The following FOXN3 variants were observed in gnomAD, a reference collection of about 807,000 sequenced individuals.
FOXN3 encodes forkhead box N3, also known as forkhead box protein N3.
In FOXN3, 7 loss-of-function variants were observed where a neutral mutation model predicts 38.4. The ratio of observed to expected loss-of-function variants is 0.18; its 90% CI spans 0.10 to 0.34. The LOEUF (loss-of-function observed/expected upper bound fraction) is 0.34, where lower values mean the gene tolerates loss of function less well. Among genes scored for constraint, FOXN3 ranks in the 10% least tolerant of loss-of-function variants. FOXN3 has a pLI of 1.00. For missense variants in FOXN3, 456 were observed against 613.4 expected (o/e 0.74, Z 2.71); for synonymous variants, 230 against 242.2 (o/e 0.95, Z 0.47).
intron 3 of FOXN3, among the ~76,000 whole-genome samples, chr14:89,287,622 A>AC (rs1886669954): frequency 4.2e-4 from 1 of 2,356 alleles, no homozygotes; most frequent in South Asian, 0.013. Flanking sequence ...AGGTAACTGC[A>AC]CTTTTCCTTT....
chr14:89,433,341 G>A (rs1892203971), intron 1 of FOXN3, among the ~76,000 whole-genome samples: 1 of 152,138 alleles, frequency 6.6e-6, no homozygotes, highest in Non-Finnish European at 1.5e-5. Flanking sequence ...AATTAGTTGG[G>A]CGTGGTGGTG....
At chr14:89,584,141 G>A (rs943219227) in intron 1 of FOXN3, among the ~76,000 whole-genome samples, 1 of 150,642 alleles carries the variant, frequency 6.6e-6, no homozygotes, top group Admixed American at 6.6e-5. Context: ...TTACAGGTAT[G>A]AGCCACCACA....
rs1238288773 is a variant in FOXN3, at chr14:89,412,662, CAG to C, written c.-14-174_-14-173del. Among the ~76,000 whole-genome samples the C allele has an allele frequency of 1.3e-5, 2 of 152,140 alleles. No homozygotes were observed. The highest frequency in any genetic ancestry group is 4.8e-5 in the African/African-American group (2 of 41,418). On this transcript the variant is annotated intron_variant, in intron 1 of 5. Coordinates refer to ENST00000557258, the MANE Select transcript of FOXN3 (RefSeq NM_005197.4). The surrounding 1 kb of genome is among the most constrained non-coding windows in gnomAD (Gnocchi z 4.7). ...GCAACACAATCCCACAATTCCACCA[CAG>C]AGAGATAGGCTGATGAGAAAAATCA...
intron 2 of FOXN3, among the ~76,000 whole-genome samples, chr14:89,393,688 T>C (rs1294539755): frequency 6.6e-6 from 1 of 152,164 alleles, no homozygotes; most frequent in African/African-American, 2.4e-5. Context: ...TGGGATTACA[T>C]TTCATAAGAC....
At chr14:89,531,226 A>C (rs1408343283) in intron 1 of FOXN3, among the ~76,000 whole-genome samples, 2 of 151,754 alleles carry the variant, frequency 1.3e-5, no homozygotes, top group Non-Finnish European at 2.9e-5. Context: ...CTGTAAAGAA[A>C]GGCAGAAAAG....
chr14:89,337,781 C>A (rs1888508476), intron 3 of FOXN3, among the ~76,000 whole-genome samples: 1 of 152,108 alleles, frequency 6.6e-6, no homozygotes, highest in Admixed American at 6.5e-5. Flanking sequence ...AGGCACGTGT[C>A]ACCAAGCCCA....
At chr14:89,451,584 G>T (rs1892613826) in intron 1 of FOXN3, among the ~76,000 whole-genome samples, 1 of 152,128 alleles carries the variant, frequency 6.6e-6, no homozygotes, top group African/African-American at 2.4e-5. Flanking sequence ...TTGAGAACTG[G>T]TCAGGATGAC....
intron 5 of FOXN3, among the ~76,000 whole-genome samples, chr14:89,173,864 G>A (rs1056176283): frequency 5.9e-5 from 9 of 152,082 alleles, no homozygotes; most frequent in Non-Finnish European, 1.0e-4. Flanking sequence ...GGCGGTGAGT[G>A]CCTGTAGTCC....
At chr14:89,601,180 A>G (rs1268386553) in intron 1 of FOXN3, among the ~76,000 whole-genome samples, 1 of 152,118 alleles carries the variant, frequency 6.6e-6, no homozygotes, top group South Asian at 2.1e-4. Context: ...TTGCAGCCTG[A>G]CCCTTCCTGG....
rs191136625 is a variant in FOXN3 at position 89,210,420 on chromosome 14, G to A, written c.746-29614C>T. ...TGCTTCCTGTACAGCCTGCAGAACCGTAAGCCAATTAAACCTCTTTTCTTT... is the reference window on the plus strand; with the variant it reads ...TGCTTCCTGTACAGCCTGCAGAACCATAAGCCAATTAAACCTCTTTTCTTT... On this transcript the variant is annotated intron_variant, in intron 4 of 5. Transcript: ENST00000557258. 3.8e-4 allele frequency among the ~76,000 whole-genome samples: 58 copies of A among 152,188 alleles called. No individual in the cohort carries two copies. In the East Asian group the frequency reaches 7.3e-3, roughly 19 times the overall value.
rs147644620 is a variant in FOXN3, at chr14:89,180,732, T to C, written c.820A>G (p.Ile274Val). 66 of 1,611,716 alleles carry C rather than the reference T, an allele frequency of 4.1e-5. No homozygotes were observed. The African/African-American group carries it at 6.3e-4, about 15-fold the overall frequency. Residue 274 changes from isoleucine (I) to valine (V), a missense_variant, in exon 5 of 6, where the codon ATC becomes GTC. Coordinates refer to ENST00000557258, the MANE Select transcript of FOXN3 (RefSeq NM_005197.4). ...GCCGCTGTCACCCCAATGGGAGTGA[T>C]TGGCAGCGGCCGCACGCCAGGAAAC... is the stretch of plus-strand genomic sequence containing the variant. The part of the protein sequence containing the change: ...GLFPGVRPLP[I>V]TPIGVTAAMR...
In FOXN3 at chr14:89,164,122, C is replaced by G. The variant is rs1486225214; in HGVS notation, c.852-1153G>C. 6.6e-6 allele frequency among the ~76,000 whole-genome samples: 1 copy of G among 152,324 alleles called. No homozygotes were observed. Among genetic ancestry groups the G allele is most frequent in the African/African-American group, 2.4e-5 (1 of 41,566 alleles). On this transcript the variant is annotated intron_variant, in intron 5 of 5. Transcript: ENST00000557258. This position sits in a 1 kb window ranked among gnomAD's most constrained non-coding sequence, Gnocchi z 4.3. ...CCTGGACCACGGCTTGGCCTGACAG[C>G]AATGGCTGTGAAGCTTATTCCTGGT...
intron 4 of FOXN3, among the ~76,000 whole-genome samples, chr14:89,195,769 GAC>G (rs1888082575): frequency 6.6e-6 from 1 of 152,314 alleles, no homozygotes; most frequent in African/African-American, 2.4e-5. Context: ...AATGAAGTGA[GAC>G]AGGGGGGTAC....
intron 2 of FOXN3, among the ~76,000 whole-genome samples, chr14:89,409,668 A>C (rs1230003071): frequency 6.6e-6 from 1 of 152,140 alleles, no homozygotes; most frequent in Non-Finnish European, 1.5e-5. Context: ...TTTCTTCTCC[A>C]CGTTCTCAGT....
intron 3 of FOXN3, among the ~76,000 whole-genome samples, chr14:89,339,462 G>A (rs1888553054): frequency 6.6e-6 from 1 of 152,184 alleles, no homozygotes; most frequent in South Asian, 2.1e-4. Context: ...CAGGAGCTGG[G>A]AGGAAGCATG....
intron 3 of FOXN3, among the ~76,000 whole-genome samples, chr14:89,306,326 A>G (rs1312468932): frequency 1.5e-5 from 2 of 131,098 alleles, no homozygotes; most frequent in Admixed American, 8.1e-5. Context: ...ACAGACACAC[A>G]GACGCATGCA....
chr14:89,430,724 T>G (rs768844593), intron 1 of FOXN3, among the ~76,000 whole-genome samples: 3 of 152,234 alleles, frequency 2.0e-5, no homozygotes, highest in Non-Finnish European at 4.4e-5. Flanking sequence ...CTCTTAGATC[T>G]CTGAACATTA....
intron 4 of FOXN3, among the ~76,000 whole-genome samples, chr14:89,231,459 A>ACCC (rs1884805299): frequency 6.6e-6 from 1 of 152,076 alleles, no homozygotes; most frequent in Non-Finnish European, 1.5e-5. Context: ...AAGCCAGGTG[A>ACCC]TCCAAGAGGG....
intron 1 of FOXN3, among the ~76,000 whole-genome samples, chr14:89,428,073 C>T (rs912946360): frequency 1.3e-5 from 2 of 152,162 alleles, no homozygotes; most frequent in Admixed American, 6.5e-5. Context: ...TCTCGTTTTA[C>T]TTTTTCAGAG....
Sources: gnomAD v4.1 joint callset for allele counts (sites outside exome capture counted in the v4.1 genomes callset) on GRCh38, gnomAD v4.1.1 for gene constraint, Gnocchi (gnomAD v3.1) non-coding constraint, MANE v1.5 for transcripts, NCBI Gene and HGNC (gene_info 2026-07-23, HGNC 2026-07-21) for gene names.